RBFOX1: variants seen among roughly 807,000 people sequenced by gnomAD.
RBFOX1 encodes the protein RNA binding fox-1 homolog 1.
RBFOX1 carries 8 observed loss-of-function variants against 57.7 expected under a neutral mutation model. The ratio of observed to expected loss-of-function variants is 0.14; its 90% CI spans 0.08 to 0.25. The LOEUF is 0.25. RBFOX1 is among the 10% of genes least tolerant of loss of function. The probability of loss-of-function intolerance (pLI) is 1.00; values close to 1 mark genes in which losing one functional copy is unlikely to be tolerated. For synonymous variants in RBFOX1, 326 were observed against 222.4 expected (o/e 1.47, Z -4.15); for missense variants, 611 against 548.5 (o/e 1.11, Z -1.14).
chr16:5,529,821 G>T (rs899511403), intron 2 of RBFOX1, among the ~76,000 whole-genome samples: 4 of 152,094 alleles, frequency 2.6e-5, no homozygotes, highest in African/African-American at 9.7e-5. Context: ...ACCCACCTCA[G>T]ATTCCCAAAG....
At chr16:7,306,625 A>C (rs567200814) in intron 4 of RBFOX1, among the ~76,000 whole-genome samples, 10 of 151,798 alleles carry the variant, frequency 6.6e-5, no homozygotes, top group Admixed American at 2.6e-4. Context: ...AGCTTCACTG[A>C]ATACCTGAAG....
chr16:5,788,702 G>A (rs1354436163), intron 3 of RBFOX1, among the ~76,000 whole-genome samples: 3 of 152,048 alleles, frequency 2.0e-5, no homozygotes, highest in African/African-American at 7.2e-5. Flanking sequence ...AGCAAACTGT[G>A]AGCTCCTCAG....
chr16:6,842,846 G>A (rs886990509), intron 3 of RBFOX1, among the ~76,000 whole-genome samples: 6 of 151,746 alleles, frequency 4.0e-5, no homozygotes, highest in East Asian at 1.9e-4. Flanking sequence ...GACAGGCCCC[G>A]GTGTGTGATG....
At chr16:6,119,702 G>T (rs1994361) in intron 1 of RBFOX1, among the ~76,000 whole-genome samples, 58,732 of 151,920 alleles carry the variant, frequency 0.39, 11,903 homozygotes, top group Non-Finnish European at 0.45. Flanking sequence ...TCATTCCACA[G>T]GGTATCCACA....
At chr16:6,896,055 C>A (rs1343701229) in intron 3 of RBFOX1, among the ~76,000 whole-genome samples, 1 of 152,098 alleles carries the variant, frequency 6.6e-6, no homozygotes, top group Non-Finnish European at 1.5e-5. Context: ...GGCAGATCAT[C>A]TGAGCTTAGG....
intron 1 of RBFOX1, among the ~76,000 whole-genome samples, chr16:5,256,942 A>G (rs2062604239): frequency 6.7e-6 from 1 of 149,056 alleles, no homozygotes; most frequent in African/African-American, 2.5e-5. Context: ...TGAAAAAAGA[A>G]AAAAAAAAAA....
intron 4 of RBFOX1, among the ~76,000 whole-genome samples, chr16:7,438,965 A>G (rs2149810707): frequency 6.6e-6 from 1 of 152,344 alleles, no homozygotes; most frequent in South Asian, 2.1e-4. Context: ...GCCCAGTGAG[A>G]AGCACCTGTA....
intron 1 of RBFOX1, among the ~76,000 whole-genome samples, chr16:5,241,158 C>A: frequency 6.6e-6 from 1 of 152,236 alleles, no homozygotes; most frequent in South Asian, 2.1e-4. Context: ...TGCCTCAGAG[C>A]CCCCCCTGCC....
intron 2 of RBFOX1, among the ~76,000 whole-genome samples, chr16:6,344,398 C>CT (rs1176288797): frequency 3.5e-4 from 25 of 71,968 alleles, no homozygotes; most frequent in African/African-American, 1.1e-3. Context: ...CTTCTTTTTT[C>CT]TTTTTTTTCT....
intron 3 of RBFOX1, among the ~76,000 whole-genome samples, chr16:5,860,954 C>G (rs2057197787): frequency 6.6e-6 from 1 of 152,130 alleles, no homozygotes; most frequent in African/African-American, 2.4e-5. Flanking sequence ...TTTGCTCTCG[C>G]TTTTTGTGGC....
chr16:5,643,687 A>C (rs1232292933), intron 3 of RBFOX1, among the ~76,000 whole-genome samples: 1 of 152,170 alleles, frequency 6.6e-6, no homozygotes, highest in African/African-American at 2.4e-5. Context: ...GCCTGGATCT[A>C]CTTAGATGCA....
intron 3 of RBFOX1, among the ~76,000 whole-genome samples, chr16:6,882,638 C>T (rs1417458005): frequency 6.6e-6 from 1 of 152,144 alleles, no homozygotes; most frequent in East Asian, 1.9e-4. Flanking sequence ...TTTGCAGAGT[C>T]CTCAGTGCAG....
chr16:6,263,846 A>C (rs1328090135), intron 1 of RBFOX1, among the ~76,000 whole-genome samples: 1 of 152,178 alleles, frequency 6.6e-6, no homozygotes, highest in African/African-American at 2.4e-5. Flanking sequence ...ATGCCATTCC[A>C]AAGGAGAAAG....
At position 7,539,304 on chromosome 16, in the gene RBFOX1, A is replaced by G. The variant is rs74010593; in HGVS notation, c.270+20915A>G. Among the ~76,000 whole-genome samples the G allele has an allele frequency of 7.9e-3, 1,203 of 152,238 alleles. 14 individuals carry two copies. Among genetic ancestry groups the G allele is most frequent in the African/African-American group, 0.027 (1,125 of 41,536 alleles). On this transcript the variant is annotated intron_variant, in intron 5 of 15. Transcript: ENST00000550418. ...TAAGCTGTGTTCTGAAGGATGGGAG[A>G]GTCCAGCAAGAGAAGACAGTGGGAG...
intron 4 of RBFOX1, among the ~76,000 whole-genome samples, chr16:7,480,714 C>A (rs999161317): frequency 3.9e-5 from 6 of 152,316 alleles, no homozygotes; most frequent in Non-Finnish European, 8.8e-5. Flanking sequence ...GCCGAGAAAT[C>A]TTCTGCCCTC....
intron 1 of RBFOX1, among the ~76,000 whole-genome samples, chr16:5,436,761 C>A (rs2067930508): frequency 6.6e-6 from 1 of 152,028 alleles, no homozygotes; most frequent in Non-Finnish European, 1.5e-5. Context: ...TCACTTGAAC[C>A]CAGGAAGCGG....
intron 1 of RBFOX1, among the ~76,000 whole-genome samples, chr16:5,328,674 C>G (rs931624206): frequency 6.6e-6 from 1 of 152,210 alleles, no homozygotes; most frequent in Non-Finnish European, 1.5e-5. Flanking sequence ...CCTGCCATAC[C>G]CTTTTTGGTC....
chr16:7,158,697 T>C (rs1178680389), intron 4 of RBFOX1, among the ~76,000 whole-genome samples: 1 of 151,476 alleles, frequency 6.6e-6, no homozygotes. Context: ...GTCTGTGTGT[T>C]TGTGTGGTGC....
rs552937111 is a variant in RBFOX1 at position 7,709,382 on chromosome 16, A to C, written c.1071+251A>C. On this transcript the variant is annotated intron_variant, in intron 15 of 15. Transcript: ENST00000550418. Reference sequence around the variant, plus strand: ...TCTCACCTAGCAGAGCACTTACCTTAATGGAATAATTAGTCATTTTGATAA... The same window carrying C: ...TCTCACCTAGCAGAGCACTTACCTTCATGGAATAATTAGTCATTTTGATAA... The C allele has an allele frequency of 2.2e-5, 27 of 1,206,364 alleles. 1 individual carries two copies. Among genetic ancestry groups the C allele is most frequent in the Non-Finnish European group, 3.0e-5 (27 of 901,542 alleles). The allele number at this position is 1,206,364 out of a possible 1,614,324, so 74.7% of individuals were successfully genotyped here. A position where few individuals can be genotyped will look rare whatever the true frequency, so the allele number is the denominator to read the frequency against.
Sources: gnomAD v4.1 joint callset for allele counts (sites outside exome capture counted in the v4.1 genomes callset) on GRCh38, gnomAD v4.1.1 for gene constraint, MANE v1.5 for transcripts, NCBI Gene and HGNC (gene_info 2026-07-23, HGNC 2026-07-21) for gene names.